Variants in LARP4B observed in about 807,000 individuals in gnomAD.
LARP4B encodes the protein La ribonucleoprotein 4B.
LARP4B carries 12 observed loss-of-function variants against 89.8 expected under a neutral mutation model. The ratio of observed to expected loss-of-function variants is 0.13; its 90% CI spans 0.09 to 0.22. The LOEUF (loss-of-function observed/expected upper bound fraction) is 0.22, where lower values mean the gene tolerates loss of function less well. Ranked by LOEUF, LARP4B falls within the 10% of genes least tolerant of loss-of-function variation. The pLI, the probability that LARP4B is intolerant of heterozygous loss-of-function variation, is 1.00. For synonymous variants in LARP4B, 367 were observed against 363.3 expected, an observed-to-expected ratio of 1.01 and a Z score of -0.12; for missense variants, 757 against 947.7, an observed-to-expected ratio of 0.80 and a Z score of 2.64.
intron 5 of LARP4B, 139 bp downstream of exon 5, chr10:863,604 A>G: frequency 1.1e-6 from 1 of 934,626 alleles, no homozygotes; most frequent in South Asian, 1.9e-5. Context: ...CTCTGCATCC[A>G]CATAAGGGTG....
the LARP4B span, among the ~76,000 whole-genome samples, chr10:941,406 T>C: frequency 1.8e-3 from 273 of 152,294 alleles, 1 homozygote; most frequent in African/African-American, 6.4e-3. Context: ...CCTCTGCTCC[T>C]GGGTTCAAGC....
intron 5 of LARP4B, among the ~76,000 whole-genome samples, chr10:855,757 G>T (rs1834268664): frequency 6.6e-6 from 1 of 152,202 alleles, no homozygotes; most frequent in Admixed American, 6.5e-5. Flanking sequence ...ATGCAGGGTT[G>T]CCACAAAACT....
chr10:938,469 A>G, the LARP4B span, among the ~76,000 whole-genome samples: 166 of 151,418 alleles, frequency 1.1e-3, 2 homozygotes, highest in South Asian at 4.6e-3. Flanking sequence ...TAGCCAGGAT[A>G]GGCTTGATCT....
intron 5 of LARP4B, among the ~76,000 whole-genome samples, chr10:859,219 T>C (rs2131819163): frequency 6.7e-6 from 1 of 150,028 alleles, no homozygotes; most frequent in African/African-American, 2.5e-5. Context: ...GTGGACGTTG[T>C]AGTGAGCTGA....
rs577311408 is a variant in LARP4B, at chr10:842,215, A to G, written c.646+717T>C. ...CACAACATAATTTTTTTTTTTTTTT[A>G]TGAGATGGAGTCTATCTCTGTCGCC... On this transcript the variant is annotated intron_variant, in intron 7 of 17. Coordinates refer to ENST00000316157, the MANE Select transcript of LARP4B (RefSeq NM_015155.3). 6.1e-5 allele frequency among the ~76,000 whole-genome samples: 9 copies of G among 147,418 alleles called. No individual in the cohort carries two copies. The East Asian group carries it at 1.6e-3, about 26-fold the overall frequency.
At chr10:852,403 A>G (rs973402564) in intron 5 of LARP4B, among the ~76,000 whole-genome samples, 3 of 152,256 alleles carry the variant, frequency 2.0e-5, no homozygotes, top group African/African-American at 7.2e-5. Context: ...ATATATGCCC[A>G]TCTCCATAGA....
At chr10:844,311 C>T (rs1214650080) in intron 6 of LARP4B, among the ~76,000 whole-genome samples, 3 of 152,210 alleles carry the variant, frequency 2.0e-5, no homozygotes, top group Admixed American at 6.5e-5. Flanking sequence ...AGACTCCAAT[C>T]GTGGAACAGC....
At chr10:959,974 C>G in the LARP4B span, among the ~76,000 whole-genome samples, 1 of 151,734 alleles carries the variant, frequency 6.6e-6, no homozygotes, top group Non-Finnish European at 1.5e-5. Flanking sequence ...TCCTCGTGTC[C>G]CCTCATGAAT....
chr10:945,353 C>T, the LARP4B span, among the ~76,000 whole-genome samples: 1 of 148,924 alleles, frequency 6.7e-6, no homozygotes, highest in Admixed American at 6.8e-5. Context: ...CACTGCCCTC[C>T]AGCCTGGGTG....
chr10:962,932 C>T, the LARP4B span, among the ~76,000 whole-genome samples: 5 of 152,126 alleles, frequency 3.3e-5, no homozygotes, highest in Non-Finnish European at 4.4e-5. Context: ...GAACTCCGGA[C>T]GCAGCCTCCC....
At chr10:908,863 G>C (rs551777062) in intron 1 of LARP4B, among the ~76,000 whole-genome samples, 14 of 152,308 alleles carry the variant, frequency 9.2e-5, no homozygotes, top group Admixed American at 2.6e-4. Context: ...TGCAGCACGG[G>C]GGGGGCCTCC....
chr10:894,016 G>C (rs1836116185), intron 1 of LARP4B, among the ~76,000 whole-genome samples: 1 of 152,152 alleles, frequency 6.6e-6, no homozygotes, highest in Admixed American at 6.6e-5. Context: ...CAGTCAATGG[G>C]GAGTGAATGA....
At chr10:827,093 G>A (rs1415593850) in intron 11 of LARP4B, among the ~76,000 whole-genome samples, 2 of 152,154 alleles carry the variant, frequency 1.3e-5, no homozygotes, top group Non-Finnish European at 2.9e-5. Flanking sequence ...GGCTAACATG[G>A]TGAAACCCCG....
At chr10:964,132 T>A in the LARP4B span, among the ~76,000 whole-genome samples, 2 of 152,212 alleles carry the variant, frequency 1.3e-5, no homozygotes, top group Non-Finnish European at 2.9e-5. Flanking sequence ...AGTGGCGTGA[T>A]CTCTGCTCAC....
chr10:835,125 T>C (rs1230584680), intron 8 of LARP4B, among the ~76,000 whole-genome samples: 1 of 151,932 alleles, frequency 6.6e-6, no homozygotes, highest in Non-Finnish European at 1.5e-5. Context: ...ACTATAATCC[T>C]AAGTTGTTTT....
intron 3 of LARP4B, among the ~76,000 whole-genome samples, chr10:876,312 G>C (rs181467021): frequency 1.3e-5 from 2 of 152,038 alleles, no homozygotes; most frequent in Non-Finnish European, 2.9e-5. Context: ...TGAACCCAGC[G>C]GGTCAGAGGC....
chr10:941,401 G>C, the LARP4B span, among the ~76,000 whole-genome samples: 59 of 152,148 alleles, frequency 3.9e-4, no homozygotes, highest in Non-Finnish European at 7.9e-4. Context: ...TGCAACCTCT[G>C]CTCCTGGGTT....
rs1833711112 is a variant in LARP4B at position 845,156 on chromosome 10, C to T, written c.431-101G>A. ...AATGCTTTCAACTTACGTTCTGACA[C>T]AACTACGTAAGTGTATCCTAAGTAA... On this transcript the variant is annotated intron_variant, in intron 5 of 17. Coordinates refer to ENST00000316157, the MANE Select transcript of LARP4B (RefSeq NM_015155.3). 3 of 771,092 alleles carry T rather than the reference C, an allele frequency of 3.9e-6. No individual in the cohort carries two copies. In the East Asian group the frequency reaches 7.6e-5, roughly 20 times the overall value. 47.8% of individuals were successfully genotyped at this position (771,092 alleles called of 1,614,324 possible). A position where few individuals can be genotyped will look rare whatever the true frequency, so the allele number is the denominator to read the frequency against.
chr10:920,384 G>T (rs1836946207), intron 1 of LARP4B, among the ~76,000 whole-genome samples: 1 of 152,234 alleles, frequency 6.6e-6, no homozygotes, highest in African/African-American at 2.4e-5. Flanking sequence ...CCAAATCTCA[G>T]TTGACAAAAT....
Sources: allele counts gnomAD v4.1 joint callset (sites outside exome capture counted in the v4.1 genomes callset), GRCh38; gene constraint gnomAD v4.1.1; transcripts MANE v1.5; gene names NCBI Gene and HGNC (gene_info 2026-07-23, HGNC 2026-07-21).